CCDC192: variants seen among roughly 807,000 people sequenced by gnomAD.
CCDC192 encodes the protein coiled-coil domain-containing protein 192.
chr5:127,720,292 C>T (rs1751945313), intron 2 of CCDC192, among the ~76,000 whole-genome samples: 1 of 152,200 alleles, frequency 6.6e-6, no homozygotes, highest in African/African-American at 2.4e-5. Context: ...CTAAAGGCCC[C>T]ATGCAAGTCC....
chr5:127,893,060 T>C (rs1356116261), intron 6 of CCDC192, among the ~76,000 whole-genome samples: 1 of 152,190 alleles, frequency 6.6e-6, no homozygotes, highest in Non-Finnish European at 1.5e-5. Flanking sequence ...ATAGTCTCCA[T>C]AGCAGAAAGC....
chr5:127,785,918 T>A, intron 3 of CCDC192: 1 of 443,982 alleles, frequency 2.3e-6, no homozygotes, highest in Non-Finnish European at 4.3e-6. Context: ...ACCAAGGCAA[T>A]GCATTTTTTA....
At chr5:127,777,161 T>C (rs1426815819) in intron 3 of CCDC192, among the ~76,000 whole-genome samples, 1 of 152,126 alleles carries the variant, frequency 6.6e-6, no homozygotes, top group African/African-American at 2.4e-5. Context: ...AAAGCAGCCA[T>C]GAGGGAGGCT....
intron 4 of CCDC192, among the ~76,000 whole-genome samples, chr5:127,797,773 ATATATTTATT>A (rs1399664448): frequency 6.6e-5 from 4 of 60,388 alleles, no homozygotes; most frequent in African/African-American, 2.5e-4. Context: ...ATATATATAT[ATATATTTATT>A]TATTTATTTA....
chr5:127,876,597 T>C (rs1752089295), intron 6 of CCDC192, among the ~76,000 whole-genome samples: 1 of 152,204 alleles, frequency 6.6e-6, no homozygotes, highest in Non-Finnish European at 1.5e-5. Flanking sequence ...CTTGCAAAGC[T>C]GTGGTTCCTG....
At chr5:127,722,311 C>CTTT (rs200224246) in intron 2 of CCDC192, among the ~76,000 whole-genome samples, 1 of 145,696 alleles carries the variant, frequency 6.9e-6, no homozygotes, top group East Asian at 2.0e-4. Context: ...AATTAGAGTA[C>CTTT]TTTTTTTTTT....
intron 5 of CCDC192, among the ~76,000 whole-genome samples, chr5:127,837,052 A>G (rs1385304363): frequency 1.2e-5 from 1 of 81,836 alleles, no homozygotes; most frequent in African/African-American, 4.1e-5. Flanking sequence ...CCAATTTCAG[A>G]TCATCTCTCT....
intron 5 of CCDC192, among the ~76,000 whole-genome samples, chr5:127,843,323 C>CCAT (rs1038140230): frequency 4.6e-5 from 7 of 152,046 alleles, no homozygotes; most frequent in Non-Finnish European, 7.4e-5. Context: ...CAGGCGTGAG[C>CCAT]CATCGCAGCC....
intron 5 of CCDC192, among the ~76,000 whole-genome samples, chr5:127,852,907 G>A (rs1561523696): frequency 6.6e-6 from 1 of 152,096 alleles, no homozygotes; most frequent in Non-Finnish European, 1.5e-5. Flanking sequence ...GGCTAACACA[G>A]TGAAACCCCG....
rs181108630 is a variant in CCDC192, at chr5:127,713,634, G to A, written c.114+5874G>A. On this transcript the variant is annotated intron_variant, in intron 2 of 6. Coordinates refer to ENST00000514853, the MANE Select transcript of CCDC192 (RefSeq NM_001317938.2). ...ATCTGATCTAAAAAAATCTTTGCCCGAGGCTACAAATATTTCTCCTAATTT... is the reference window on the plus strand; with the variant it reads ...ATCTGATCTAAAAAAATCTTTGCCCAAGGCTACAAATATTTCTCCTAATTT... Among the ~76,000 whole-genome samples, 1,263 of 152,134 alleles carry A rather than the reference G, an allele frequency of 8.3e-3. 18 individuals are homozygous for A. The highest frequency in any genetic ancestry group is 0.019 in the Admixed American group (291 of 15,290).
chr5:127,870,687 A>G (rs182888398), intron 5 of CCDC192, among the ~76,000 whole-genome samples: 48 of 152,302 alleles, frequency 3.2e-4, no homozygotes, highest in African/African-American at 1.1e-3. Context: ...GGGTTAAAAA[A>G]TCCCCAAATC....
chr5:127,891,470 A>T (rs1752729920), intron 6 of CCDC192, among the ~76,000 whole-genome samples: 1 of 150,026 alleles, frequency 6.7e-6, no homozygotes, highest in Admixed American at 6.7e-5. Context: ...TTTTCTCCTG[A>T]TTGCTTTTTG....
At chr5:127,709,202 G>GGGGGGGA (rs1247306394) in intron 2 of CCDC192, among the ~76,000 whole-genome samples, 1 of 85,766 alleles carries the variant, frequency 1.2e-5, no homozygotes, top group Admixed American at 1.6e-4. Context: ...GGAGAGAGGG[G>GGGGGGGA]GAGAGAGAGA....
intron 5 of CCDC192, among the ~76,000 whole-genome samples, chr5:127,867,065 G>A (rs765474599): frequency 4.6e-5 from 7 of 152,142 alleles, no homozygotes; most frequent in Non-Finnish European, 7.4e-5. Context: ...CACTGCCTTC[G>A]GGGCAGAGTG....
At chr5:127,734,947 C>T (rs1393297171) in intron 2 of CCDC192, among the ~76,000 whole-genome samples, 1 of 148,360 alleles carries the variant, frequency 6.7e-6, no homozygotes, top group Non-Finnish European at 1.5e-5. Context: ...TCCCATTTGT[C>T]AATTTTGTCT....
Position 127,910,952 on chromosome 5 carries a change from TA to T in CCDC192, c.536-30220del, listed in dbSNP as rs528437216. ...ATGCATTGTGTAATTTTATTAGACATAAAAAAAAAACTTCCTCTGAATGACT... is the reference window on the plus strand; with the variant it reads ...ATGCATTGTGTAATTTTATTAGACATAAAAAAAAACTTCCTCTGAATGACT... On this transcript the variant is annotated intron_variant, in intron 6 of 6. Transcript: ENST00000514853. Among the ~76,000 whole-genome samples, 1,083 of 148,720 alleles carry T rather than the reference TA, an allele frequency of 7.3e-3. 16 individuals are homozygous for T. Among genetic ancestry groups the T allele is most frequent in the African/African-American group, 0.025 (1,007 of 40,634 alleles).
At chr5:127,719,544 T>TACACACACACACACACAC (rs1561445014) in intron 2 of CCDC192, among the ~76,000 whole-genome samples, 6 of 34,042 alleles carry the variant, frequency 1.8e-4, no homozygotes, top group South Asian at 8.8e-4. Context: ...CATATATATA[T>TACACACACACACACACAC]ATATATATAT....
At chr5:127,708,971 C>T (rs1751127922) in intron 2 of CCDC192, among the ~76,000 whole-genome samples, 1 of 151,876 alleles carries the variant, frequency 6.6e-6, no homozygotes, top group Non-Finnish European at 1.5e-5. Flanking sequence ...AAAAGAGATT[C>T]AATTGGCTCG....
At chr5:127,893,860 T>C (rs1752797192) in intron 6 of CCDC192, among the ~76,000 whole-genome samples, 1 of 152,190 alleles carries the variant, frequency 6.6e-6, no homozygotes, top group Non-Finnish European at 1.5e-5. Context: ...TGCATTAATT[T>C]TTCTAACATT....
Sources: allele counts gnomAD v4.1 joint callset (sites outside exome capture counted in the v4.1 genomes callset), GRCh38; gene constraint gnomAD v4.1.1; transcripts MANE v1.5; gene names NCBI Gene and HGNC (gene_info 2026-07-23, HGNC 2026-07-21).